Variants in LARGE1 observed in about 807,000 individuals in gnomAD.
LARGE1 encodes LARGE xylosyl- and glucuronyltransferase 1.
LARGE1 carries 43 observed loss-of-function variants against 87.6 expected under a neutral mutation model. The ratio of observed to expected loss-of-function variants is 0.49; its 90% CI spans 0.38 to 0.63. LARGE1 has a LOEUF of 0.63. Ranked by LOEUF, LARGE1 falls within the 30% of genes least tolerant of loss-of-function variation. The pLI is 0.00. For synonymous variants in LARGE1, 434 were observed against 394.6 expected (o/e 1.10, Z -1.18); for missense variants, 802 against 1,000.2 (o/e 0.80, Z 2.67).
chr22:33,783,770 G>C (rs1475595130), intron 1 of LARGE1, among the ~76,000 whole-genome samples: 2 of 152,168 alleles, frequency 1.3e-5, no homozygotes, highest in Non-Finnish European at 2.9e-5. Flanking sequence ...GAATGGCAGT[G>C]CTGGTGCCAC....
chr22:33,638,123 G>A (rs1211559109), intron 3 of LARGE1, among the ~76,000 whole-genome samples: 1 of 152,172 alleles, frequency 6.6e-6, no homozygotes, highest in Non-Finnish European at 1.5e-5. Flanking sequence ...TGCTATGATA[G>A]TATCCTCCAA....
At chr22:33,236,456 T>C (rs1926256778) in intron 11 of LARGE1, among the ~76,000 whole-genome samples, 1 of 152,200 alleles carries the variant, frequency 6.6e-6, no homozygotes, top group African/African-American at 2.4e-5. Context: ...TTCATGACTG[T>C]GTGTATGTGT....
chr22:33,219,202 A>G (rs1168847479), intron 11 of LARGE1, among the ~76,000 whole-genome samples: 1 of 152,200 alleles, frequency 6.6e-6, no homozygotes, highest in Non-Finnish European at 1.5e-5. Context: ...AAGGGGTGGA[A>G]CTAGGCTTCA....
chr22:33,730,381 T>C (rs2083422938), intron 2 of LARGE1, among the ~76,000 whole-genome samples: 1 of 152,216 alleles, frequency 6.6e-6, no homozygotes, highest in Admixed American at 6.5e-5. Flanking sequence ...GAGTCAAATG[T>C]TCAGGAAGTC....
chr22:33,183,971 C>T (rs1555880723), intron 11 of LARGE1, among the ~76,000 whole-genome samples: 1 of 151,634 alleles, frequency 6.6e-6, no homozygotes, highest in Non-Finnish European at 1.5e-5. Flanking sequence ...GTATTGTTTA[C>T]TCAAAATTTG....
At chr22:33,879,027 C>T (rs2064576969) in intron 1 of LARGE1, among the ~76,000 whole-genome samples, 1 of 151,352 alleles carries the variant, frequency 6.6e-6, no homozygotes, top group Admixed American at 6.6e-5. Context: ...GGCTGGAATG[C>T]AATGGCGTGA....
chr22:33,438,291 C>T (rs1387714132), intron 6 of LARGE1, among the ~76,000 whole-genome samples: 1 of 152,126 alleles, frequency 6.6e-6, no homozygotes, highest in Non-Finnish European at 1.5e-5. Context: ...CTGGCTTGCT[C>T]AGCATTCTGC....
intron 2 of LARGE1, among the ~76,000 whole-genome samples, chr22:33,697,968 C>A (rs1455937699): frequency 6.6e-6 from 1 of 152,190 alleles, no homozygotes; most frequent in Non-Finnish European, 1.5e-5. Context: ...CTGGATTAAT[C>A]AAGACATTTG....
In LARGE1 at chr22:33,304,716, A is replaced by G. The variant is rs79121173; in HGVS notation, c.1452-209T>C. 0.025 allele frequency among the ~76,000 whole-genome samples: 3,834 copies of G among 151,646 alleles called. 150 individuals are homozygous for G. The highest frequency in any genetic ancestry group is 0.089 in the African/African-American group (3,664 of 40,956). ...TGGTTCTCATCTTTCCCTGCTTCCAACTGAACATGTGATATGAAGTTGTAT... is the reference window on the plus strand; with the variant it reads ...TGGTTCTCATCTTTCCCTGCTTCCAGCTGAACATGTGATATGAAGTTGTAT... On this transcript the variant is annotated intron_variant, in intron 11 of 14. Transcript: ENST00000397394.
At chr22:33,756,179 T>A (rs1340445665) in intron 2 of LARGE1, among the ~76,000 whole-genome samples, 1 of 152,116 alleles carries the variant, frequency 6.6e-6, no homozygotes, top group East Asian at 1.9e-4. Flanking sequence ...CCACAGTGGA[T>A]CCAGGAGGCA....
intron 11 of LARGE1, among the ~76,000 whole-genome samples, chr22:33,266,877 A>AG (rs1402963894): frequency 1.3e-5 from 2 of 151,586 alleles, no homozygotes; most frequent in African/African-American, 4.9e-5. Context: ...AAAAAAAAAA[A>AG]AGAGTTTGAT....
chr22:33,410,330 G>A (rs2066263725), intron 7 of LARGE1, among the ~76,000 whole-genome samples: 1 of 152,058 alleles, frequency 6.6e-6, no homozygotes, highest in Non-Finnish European at 1.5e-5. Context: ...GATATGGTTT[G>A]GCTGTGTCCC....
chr22:33,780,126 T>C (rs2085372252), intron 1 of LARGE1, among the ~76,000 whole-genome samples: 1 of 152,186 alleles, frequency 6.6e-6, no homozygotes, highest in Admixed American at 6.5e-5. Flanking sequence ...TCACGCGACA[T>C]TGTGCCTGTG....
At chr22:33,860,142 A>T (rs927680048) in intron 1 of LARGE1, among the ~76,000 whole-genome samples, 4 of 151,664 alleles carry the variant, frequency 2.6e-5, no homozygotes, top group African/African-American at 4.8e-5. Flanking sequence ...AAAATTTTAA[A>T]TTTTTTTTTA....
intron 6 of LARGE1, among the ~76,000 whole-genome samples, chr22:33,454,013 C>T (rs1300145685): frequency 4.6e-5 from 7 of 152,126 alleles, no homozygotes. Flanking sequence ...CAGAGAGAAG[C>T]CCAGGACCAC....
At chr22:33,738,699 G>C (rs899070681) in intron 2 of LARGE1, among the ~76,000 whole-genome samples, 3 of 152,100 alleles carry the variant, frequency 2.0e-5, no homozygotes, top group Non-Finnish European at 4.4e-5. Flanking sequence ...TAAAAAATTA[G>C]CCAGGTGCAG....
chr22:33,687,414 C>G (rs2081977788), intron 2 of LARGE1, among the ~76,000 whole-genome samples: 1 of 151,486 alleles, frequency 6.6e-6, no homozygotes. Flanking sequence ...ATATTCATTA[C>G]CAGCCGATAG....
At chr22:33,796,082 G>GC (rs2085972924) in intron 1 of LARGE1, among the ~76,000 whole-genome samples, 1 of 151,844 alleles carries the variant, frequency 6.6e-6, no homozygotes, top group Non-Finnish European at 1.5e-5. Flanking sequence ...CTGACTTGAT[G>GC]CAAGTCAATT....
At chr22:33,182,818 T>C (rs1047506571) in intron 11 of LARGE1, among the ~76,000 whole-genome samples, 2 of 152,138 alleles carry the variant, frequency 1.3e-5, no homozygotes, top group Non-Finnish European at 2.9e-5. Context: ...GTCAACTCAA[T>C]GGATTAAAGA....
Sources: gnomAD v4.1 joint callset for allele counts (sites outside exome capture counted in the v4.1 genomes callset) on GRCh38, gnomAD v4.1.1 for gene constraint, MANE v1.5 for transcripts, NCBI Gene and HGNC (gene_info 2026-07-23, HGNC 2026-07-21) for gene names.